Variants in CHRM3 observed in about 807,000 individuals in gnomAD.
CHRM3 encodes the protein muscarinic acetylcholine receptor M3.
In CHRM3, 11 loss-of-function variants were observed where a neutral mutation model predicts 41.8. That is an observed-to-expected ratio of 0.26 (90% CI 0.17 to 0.44). CHRM3 has a LOEUF of 0.44. Ranked by LOEUF, CHRM3 falls within the 20% of genes least tolerant of loss-of-function variation. The pLI is 1.00. For synonymous variants in CHRM3, 297 were observed against 301.4 expected (o/e 0.99, Z 0.15); for missense variants, 571 against 745.4 (o/e 0.77, Z 2.72).
chr1:239,498,507 T>A (rs1668024801), intron 2 of CHRM3, among the ~76,000 whole-genome samples: 1 of 152,300 alleles, frequency 6.6e-6, no homozygotes, highest in Middle Eastern at 3.4e-3. Context: ...ATCTAAGCGT[T>A]CTCAAGGGCA....
chr1:239,404,468 A>C (rs72754655), intron 1 of CHRM3, among the ~76,000 whole-genome samples: 1 of 90,294 alleles, frequency 1.1e-5, no homozygotes, highest in African/African-American at 3.5e-5. Flanking sequence ...GAAAGAAAGA[A>C]AAAGAAAGAA....
At chr1:239,863,293 G>A (rs1366235779) in intron 6 of CHRM3, among the ~76,000 whole-genome samples, 2 of 152,162 alleles carry the variant, frequency 1.3e-5, no homozygotes, top group African/African-American at 4.8e-5. Context: ...TTTTATTCTG[G>A]TAATGGCAGC....
At chr1:239,793,079 C>T (rs1669478331) in intron 5 of CHRM3, among the ~76,000 whole-genome samples, 1 of 152,208 alleles carries the variant, frequency 6.6e-6, no homozygotes, top group Admixed American at 6.5e-5. Flanking sequence ...GTATTTGTCA[C>T]ACACTTGGAC....
At chr1:239,797,124 C>T (rs1669841774) in intron 5 of CHRM3, among the ~76,000 whole-genome samples, 1 of 152,164 alleles carries the variant, frequency 6.6e-6, no homozygotes, top group Admixed American at 6.5e-5. Flanking sequence ...ACCGCATGTT[C>T]TCACTTATAA....
chr1:239,445,423 A>G (rs1664052280), intron 1 of CHRM3, among the ~76,000 whole-genome samples: 1 of 152,164 alleles, frequency 6.6e-6, no homozygotes, highest in South Asian at 2.1e-4. Context: ...GGGGTGAGAA[A>G]ATGGATTCAC....
At chr1:239,903,430 G>A (rs1000883447) in intron 6 of CHRM3, among the ~76,000 whole-genome samples, 1 of 152,092 alleles carries the variant, frequency 6.6e-6, no homozygotes, top group Non-Finnish European at 1.5e-5. Context: ...AAATGCAGAG[G>A]CTGTGGAATC....
chr1:239,460,363 G>A (rs1206770670), intron 1 of CHRM3, among the ~76,000 whole-genome samples: 2 of 152,014 alleles, frequency 1.3e-5, no homozygotes, highest in Non-Finnish European at 2.9e-5. Context: ...AAGTTCCAGG[G>A]TATTAAGAAG....
At chr1:239,906,846 A>G (rs1301063559) in intron 6 of CHRM3, among the ~76,000 whole-genome samples, 1 of 152,224 alleles carries the variant, frequency 6.6e-6, no homozygotes, top group East Asian at 1.9e-4. Flanking sequence ...AGTCCTTACA[A>G]GGAACGGATG....
intron 3 of CHRM3, among the ~76,000 whole-genome samples, chr1:239,577,353 A>G (rs1031855234): frequency 6.6e-6 from 1 of 152,142 alleles, no homozygotes; most frequent in East Asian, 1.9e-4. Flanking sequence ...AATTGTTCAA[A>G]TTCATTTTGA....
intron 6 of CHRM3, among the ~76,000 whole-genome samples, chr1:239,895,567 C>G (rs1678927284): frequency 6.6e-6 from 1 of 151,572 alleles, no homozygotes; most frequent in South Asian, 2.1e-4. Flanking sequence ...ATCAATCAAC[C>G]TAAATGCCCC....
intron 6 of CHRM3, among the ~76,000 whole-genome samples, chr1:239,895,344 C>T (rs57794473): frequency 0.12 from 18,455 of 152,158 alleles, 1,259 homozygotes; most frequent in African/African-American, 0.17. Flanking sequence ...TTCCAGCTGC[C>T]TCTGCAGTCT....
intron 6 of CHRM3, among the ~76,000 whole-genome samples, chr1:239,850,790 G>A (rs1350752707): frequency 2.0e-5 from 3 of 152,124 alleles, no homozygotes; most frequent in Non-Finnish European, 2.9e-5. Context: ...CTGCTGCCAT[G>A]TGAAGAAGGA....
In CHRM3 at chr1:239,909,410, T is replaced by G; in HGVS notation, c.*186T>G. 1 of 461,640 alleles carries G rather than the reference T, an allele frequency of 2.2e-6. No individual in the cohort carries two copies. The highest frequency in any genetic ancestry group is 3.8e-6 in the Non-Finnish European group (1 of 264,760). The allele number at this position is 461,640 out of a possible 1,614,324, so 28.6% of individuals were successfully genotyped here. A position where few individuals can be genotyped will look rare whatever the true frequency, so the allele number is the denominator to read the frequency against. On this transcript the variant is annotated 3_prime_UTR_variant, in exon 7 of 7. Transcript: ENST00000676153. ...TTTTAATAGAAAAAGTCAATACCAA[T>G]TCAGCAAAAAGAAAAAAAAAACATA...
intron 5 of CHRM3, among the ~76,000 whole-genome samples, chr1:239,688,629 T>G (rs1659396454): frequency 7.5e-6 from 1 of 133,530 alleles, no homozygotes; most frequent in Admixed American, 8.4e-5. Flanking sequence ...CTCAGTATAA[T>G]ACATAATATA....
intron 2 of CHRM3, among the ~76,000 whole-genome samples, 174 bp from the exon 3 acceptor site, chr1:239,545,467 A>G (rs1203652523): frequency 6.6e-6 from 1 of 152,200 alleles, no homozygotes; most frequent in Non-Finnish European, 1.5e-5. Context: ...CTTAAAGCTA[A>G]TGAAATAAAA....
chr1:239,694,416 G>A (rs1353923281), intron 5 of CHRM3, among the ~76,000 whole-genome samples: 1 of 152,092 alleles, frequency 6.6e-6, no homozygotes, highest in Non-Finnish European at 1.5e-5. Flanking sequence ...CAGTGGCCTT[G>A]GGCAAATGAA....
intron 3 of CHRM3, among the ~76,000 whole-genome samples, chr1:239,557,988 G>T (rs79816498): frequency 6.6e-6 from 1 of 152,144 alleles, no homozygotes; most frequent in South Asian, 2.1e-4. Context: ...ATATTGCTTT[G>T]GGTTATATAC....
chr1:239,680,349 G>T (rs913566284), intron 5 of CHRM3, among the ~76,000 whole-genome samples: 1 of 152,148 alleles, frequency 6.6e-6, no homozygotes, highest in Non-Finnish European at 1.5e-5. Flanking sequence ...AGTCATTGAA[G>T]CATTAAATTT....
intron 5 of CHRM3, among the ~76,000 whole-genome samples, chr1:239,756,474 T>C (rs1321282750): frequency 6.6e-6 from 1 of 152,214 alleles, no homozygotes; most frequent in African/African-American, 2.4e-5. Flanking sequence ...TACCTACCAA[T>C]TTATTTCAGG....
Sources: gnomAD v4.1 joint callset for allele counts (sites outside exome capture counted in the v4.1 genomes callset) on GRCh38, gnomAD v4.1.1 for gene constraint, MANE v1.5 for transcripts, NCBI Gene and HGNC (gene_info 2026-07-23, HGNC 2026-07-21) for gene names.